The following DLGAP2 variants were observed in gnomAD, a reference collection of about 807,000 sequenced individuals.
The protein encoded by DLGAP2 is DLG associated protein 2.
A neutral mutation model predicts 100.3 loss-of-function variants in DLGAP2; 26 were observed. That is an observed-to-expected ratio of 0.26 (90% CI 0.19 to 0.36). The LOEUF is 0.36. Among genes scored for constraint, DLGAP2 ranks in the 10% least tolerant of loss-of-function variants. The probability of loss-of-function intolerance (pLI) is 1.00; values close to 1 mark genes in which losing one functional copy is unlikely to be tolerated. For synonymous variants in DLGAP2, 886 were observed against 630.1 expected (o/e 1.41, Z -6.08); for missense variants, 1,858 against 1,453.2 (o/e 1.28, Z -4.53).
At chr8:1,575,455 TTTATTA>T (rs56350882) in intron 6 of DLGAP2, among the ~76,000 whole-genome samples, 16,351 of 141,076 alleles carry the variant, frequency 0.12, 1,949 homozygotes, top group African/African-American at 0.31. Flanking sequence ...GAGGATATTC[TTTATTA>T]TTATTATTAT....
intron 3 of DLGAP2, among the ~76,000 whole-genome samples, chr8:1,356,221 C>T (rs996175417): frequency 6.6e-6 from 1 of 152,144 alleles, no homozygotes; most frequent in South Asian, 2.1e-4. Context: ...AAAGGTTTTG[C>T]TCAGGGACAT....
chr8:1,463,846 T>A (rs1437227619), intron 3 of DLGAP2, among the ~76,000 whole-genome samples: 1 of 152,188 alleles, frequency 6.6e-6, no homozygotes, highest in African/African-American at 2.4e-5. Flanking sequence ...TTGAGCTGAT[T>A]CACAAGCTCT....
intron 1 of DLGAP2, among the ~76,000 whole-genome samples, chr8:906,355 C>A (rs2128998499): frequency 6.6e-6 from 1 of 152,304 alleles, no homozygotes; most frequent in Admixed American, 6.5e-5. Context: ...GAGGCAGTAG[C>A]CTTTTCAGAC....
chr8:884,807 A>G (rs7005986), intron 1 of DLGAP2, among the ~76,000 whole-genome samples: 2,494 of 152,250 alleles, frequency 0.016, 77 homozygotes, highest in African/African-American at 0.056. Flanking sequence ...TAATTTTTGT[A>G]TAAGGTGTAA....
chr8:1,164,211 C>T (rs1435275043), intron 2 of DLGAP2, among the ~76,000 whole-genome samples: 1 of 140,388 alleles, frequency 7.1e-6, no homozygotes, highest in African/African-American at 3.0e-5. Flanking sequence ...GCCCCCAGGG[C>T]CCGTCATTTT....
chr8:1,499,967 G>T (rs1799659822), intron 3 of DLGAP2, among the ~76,000 whole-genome samples: 1 of 111,248 alleles, frequency 9.0e-6, no homozygotes, highest in Non-Finnish European at 1.6e-5. Flanking sequence ...CTGGCTAACT[G>T]CATCTAACAC....
In DLGAP2 at chr8:817,146, A is replaced by C. The variant is rs866425946; in HGVS notation, c.18+79321A>C. On this transcript the variant is annotated intron_variant, in intron 1 of 14. Transcript: ENST00000637795. The stretch of plus-strand genomic sequence containing the variant: ...ACACAGCGAGACTCCGTCTCAAAAA[A>C]AAAAAAAAAAAAAGAAAGTTATCTT... 2.8e-3 allele frequency among the ~76,000 whole-genome samples: 428 copies of C among 151,604 alleles called. 1 individual carries two copies. The highest frequency in any genetic ancestry group is 9.7e-3 in the African/African-American group (402 of 41,484).
Position 1,701,410 on chromosome 8 carries a change from C to G in DLGAP2, c.*4C>G. 6.3e-7 allele frequency: 1 copy of G among 1,577,764 alleles called. No homozygotes were observed. Among genetic ancestry groups the G allele is most frequent in the Non-Finnish European group, 8.6e-7 (1 of 1,163,164 alleles). On this transcript the variant is annotated 3_prime_UTR_variant, in exon 15 of 15. Transcript: ENST00000637795. ...CGAGGCCCAGACCCGGCTCTGAGGG[C>G]GGAGGCCGGCGCCTTCCCCTCGTCG...
intron 2 of DLGAP2, among the ~76,000 whole-genome samples, chr8:1,126,129 G>T (rs939774394): frequency 6.6e-6 from 1 of 152,226 alleles, no homozygotes; most frequent in Non-Finnish European, 1.5e-5. Context: ...CGGTGAATAC[G>T]TGAGGCAGTG....
intron 3 of DLGAP2, among the ~76,000 whole-genome samples, chr8:1,293,080 G>T (rs753388405): frequency 6.6e-6 from 1 of 152,130 alleles, no homozygotes; most frequent in Non-Finnish European, 1.5e-5. Flanking sequence ...ACCCACAAGT[G>T]GGGGAGAAAG....
chr8:1,626,642 G>C, intron 6 of DLGAP2, 98 bp from the exon 7 acceptor site: 1 of 1,463,312 alleles, frequency 6.8e-7, no homozygotes, highest in South Asian at 1.3e-5. Flanking sequence ...CCCTGTGGTG[G>C]GTGCTCAGCC....
At chr8:1,204,701 C>T (rs763678420) in intron 2 of DLGAP2, among the ~76,000 whole-genome samples, 4 of 151,986 alleles carry the variant, frequency 2.6e-5, no homozygotes, top group Non-Finnish European at 5.9e-5. Context: ...TTGACATCTG[C>T]CTGGAAATGA....
chr8:1,245,402 C>T (rs1585186075), intron 2 of DLGAP2, among the ~76,000 whole-genome samples: 1 of 152,190 alleles, frequency 6.6e-6, no homozygotes, highest in Non-Finnish European at 1.5e-5. Context: ...GCAATGGAAT[C>T]TTCTCTAGCA....
At chr8:881,148 C>T (rs947797403) in intron 1 of DLGAP2, among the ~76,000 whole-genome samples, 1 of 152,202 alleles carries the variant, frequency 6.6e-6, no homozygotes, top group Admixed American at 6.5e-5. Flanking sequence ...AAAGTAGAAT[C>T]TTTCTTCTTA....
chr8:860,221 A>T (rs1348144434), intron 1 of DLGAP2, among the ~76,000 whole-genome samples: 1 of 152,146 alleles, frequency 6.6e-6, no homozygotes, highest in African/African-American at 2.4e-5. Flanking sequence ...TTCGTTATGT[A>T]AATTTTCAAA....
chr8:870,888 C>T (rs1486328255), intron 1 of DLGAP2, among the ~76,000 whole-genome samples: 2 of 152,290 alleles, frequency 1.3e-5, no homozygotes, highest in Admixed American at 6.5e-5. Flanking sequence ...CTGAGAATCA[C>T]GTCTTGGGGG....
At chr8:903,086 AG>A (rs2128997810) in intron 1 of DLGAP2, among the ~76,000 whole-genome samples, 2 of 151,676 alleles carry the variant, frequency 1.3e-5, no homozygotes, top group African/African-American at 4.8e-5. Flanking sequence ...GTGGCGCAGC[AG>A]GCAAGGGATC....
intron 3 of DLGAP2, among the ~76,000 whole-genome samples, chr8:1,333,057 G>A (rs1273831472): frequency 6.6e-6 from 1 of 152,182 alleles, no homozygotes; most frequent in Admixed American, 6.5e-5. Flanking sequence ...GGTGTTGAAA[G>A]CGATGGTGTC....
At chr8:915,345 G>A (rs1231153004) in intron 2 of DLGAP2, among the ~76,000 whole-genome samples, 2 of 152,180 alleles carry the variant, frequency 1.3e-5, no homozygotes, top group African/African-American at 2.4e-5. Context: ...CAGGAGATCG[G>A]GACCGTCCTG....
Sources: allele counts gnomAD v4.1 joint callset (sites outside exome capture counted in the v4.1 genomes callset), GRCh38; gene constraint gnomAD v4.1.1; transcripts MANE v1.5; gene names NCBI Gene and HGNC (gene_info 2026-07-23, HGNC 2026-07-21).